The following ANKS1B variants were observed in gnomAD, a reference collection of about 807,000 sequenced individuals.
ANKS1B encodes ankyrin repeat and sterile alpha motif domain-containing protein 1B.
A neutral mutation model predicts 148.3 loss-of-function variants in ANKS1B; 36 were observed. That is an observed-to-expected ratio of 0.24 (90% CI 0.19 to 0.32). The LOEUF is 0.32. Among genes scored for constraint, ANKS1B ranks in the 10% least tolerant of loss-of-function variants. The pLI, the probability that ANKS1B is intolerant of heterozygous loss-of-function variation, is 1.00. For missense variants in ANKS1B, 1,157 were observed against 1,542.6 expected (o/e 0.75, Z 4.19); for synonymous variants, 542 against 560.8 (o/e 0.97, Z 0.47).
chr12:99,369,977 T>C (rs2093035917), intron 12 of ANKS1B, among the ~76,000 whole-genome samples: 1 of 152,068 alleles, frequency 6.6e-6, no homozygotes, highest in South Asian at 2.1e-4. Flanking sequence ...AACTTGACTG[T>C]TTGAAAATTT....
intron 8 of ANKS1B, among the ~76,000 whole-genome samples, chr12:99,767,416 C>A (rs931252287): frequency 2.7e-5 from 4 of 150,412 alleles, no homozygotes; most frequent in Non-Finnish European, 4.4e-5. Flanking sequence ...AAAAAAAAAA[C>A]AAAAAAACTT....
intron 8 of ANKS1B, among the ~76,000 whole-genome samples, chr12:99,755,718 T>C (rs2061508917): frequency 6.6e-6 from 1 of 151,724 alleles, no homozygotes; most frequent in South Asian, 2.1e-4. Context: ...AGTCAATAAA[T>C]GTGATTCATC....
intron 14 of ANKS1B, among the ~76,000 whole-genome samples, chr12:99,214,879 G>T (rs1159298480): frequency 2.6e-5 from 4 of 152,178 alleles, no homozygotes; most frequent in African/African-American, 7.2e-5. Context: ...AGATGGAGAT[G>T]AAGAACTTAT....
At chr12:99,623,060 C>T (rs897481678) in intron 9 of ANKS1B, among the ~76,000 whole-genome samples, 7 of 152,052 alleles carry the variant, frequency 4.6e-5, no homozygotes, top group Admixed American at 4.6e-4. Flanking sequence ...ACCATGATCA[C>T]ACAGACTTCA....
At chr12:99,300,960 A>C (rs1032652327) in intron 12 of ANKS1B, among the ~76,000 whole-genome samples, 13 of 152,192 alleles carry the variant, frequency 8.5e-5, no homozygotes, top group Admixed American at 2.0e-4. Flanking sequence ...GGAGGCTGAG[A>C]AGTCCCATGA....
At chr12:99,260,097 C>T (rs1411560295) in intron 12 of ANKS1B, among the ~76,000 whole-genome samples, 1 of 152,082 alleles carries the variant, frequency 6.6e-6, no homozygotes, top group Non-Finnish European at 1.5e-5. Context: ...TAACTCAAGT[C>T]GGTTGTTTTC....
At chr12:99,699,919 T>C (rs1188986179) in intron 8 of ANKS1B, among the ~76,000 whole-genome samples, 1 of 152,178 alleles carries the variant, frequency 6.6e-6, no homozygotes, top group Non-Finnish European at 1.5e-5. Flanking sequence ...CTTTTAAATA[T>C]GGATTACAAA....
chr12:98,754,061 T>A (rs2098168196), intron 25 of ANKS1B, among the ~76,000 whole-genome samples: 1 of 152,160 alleles, frequency 6.6e-6, no homozygotes, highest in Non-Finnish European at 1.5e-5. Flanking sequence ...GTGGGGAAAA[T>A]GCCTCTGAGC....
At chr12:99,151,525 C>T (rs1353461280) in intron 15 of ANKS1B, among the ~76,000 whole-genome samples, 3 of 101,760 alleles carry the variant, frequency 2.9e-5, no homozygotes, top group African/African-American at 1.8e-4. Flanking sequence ...GAGACTCCCA[C>T]TCAAAAAAAA....
intron 9 of ANKS1B, among the ~76,000 whole-genome samples, chr12:99,601,971 A>G: frequency 6.6e-6 from 1 of 152,072 alleles, no homozygotes; most frequent in Admixed American, 6.6e-5. Context: ...CAGCTCTTAT[A>G]CAAAAAGCTG....
At chr12:99,560,448 C>A (rs1270913874) in intron 9 of ANKS1B, among the ~76,000 whole-genome samples, 1 of 151,826 alleles carries the variant, frequency 6.6e-6, no homozygotes, top group Non-Finnish European at 1.5e-5. Context: ...TATCCGTATC[C>A]ATTTCTTTCT....
At chr12:99,448,914 T>C (rs1308124633) in intron 10 of ANKS1B, among the ~76,000 whole-genome samples, 3 of 152,124 alleles carry the variant, frequency 2.0e-5, no homozygotes, top group Non-Finnish European at 4.4e-5. Context: ...TTGGACTCTA[T>C]TGAAGTAATG....
rs116177556 is a variant in ANKS1B at position 99,200,883 on chromosome 12, A to C, written c.2419+43459T>G. ...ATGAAGGAGCCAGGGAATGCTCAGA[A>C]GAATCTGTGACTCATCAAAAGGTAA... On this transcript the variant is annotated intron_variant, in intron 14 of 26. Transcript: ENST00000683438. Among the ~76,000 whole-genome samples the C allele has an allele frequency of 8.7e-3, 1,318 of 152,330 alleles. 23 individuals carry two copies. Among genetic ancestry groups the C allele is most frequent in the African/African-American group, 0.03 (1,265 of 41,568 alleles).
chr12:99,397,401 T>G (rs2094280096), intron 12 of ANKS1B, among the ~76,000 whole-genome samples: 1 of 152,160 alleles, frequency 6.6e-6, no homozygotes, highest in Non-Finnish European at 1.5e-5. Context: ...CTGACCTCAG[T>G]GCTTACAATG....
At position 99,385,746 on chromosome 12, in the gene ANKS1B, T is replaced by C. The variant is rs368628643; in HGVS notation, c.1756+13885A>G. Among the ~76,000 whole-genome samples the C allele has an allele frequency of 6.6e-5, 10 of 152,146 alleles. No homozygotes were observed. The East Asian group carries it at 9.6e-4, about 15-fold the overall frequency. Reference sequence around the variant, plus strand: ...AGCTGCATATCAATGGCCAAGAACATATCAATGGACTAGAAAATATGCTAA... The same window carrying C: ...AGCTGCATATCAATGGCCAAGAACACATCAATGGACTAGAAAATATGCTAA... On this transcript the variant is annotated intron_variant, in intron 12 of 26. Transcript: ENST00000683438.
chr12:99,161,170 TG>T (rs776879162), intron 14 of ANKS1B, among the ~76,000 whole-genome samples: 14 of 152,338 alleles, frequency 9.2e-5, no homozygotes, highest in South Asian at 2.1e-4. Context: ...GAGCACAGAA[TG>T]TTTTTCCATT....
At chr12:98,815,236 A>G (rs1051686064) in intron 19 of ANKS1B, among the ~76,000 whole-genome samples, 1 of 152,062 alleles carries the variant, frequency 6.6e-6, no homozygotes, top group African/African-American at 2.4e-5. Flanking sequence ...CAATTACTCT[A>G]ATCTTCTTTA....
At chr12:99,045,043 A>G (rs894052743) in intron 17 of ANKS1B, among the ~76,000 whole-genome samples, 2 of 152,142 alleles carry the variant, frequency 1.3e-5, no homozygotes, top group Non-Finnish European at 2.9e-5. Context: ...AGTAAGTAAA[A>G]TTTTCAAATA....
intron 14 of ANKS1B, among the ~76,000 whole-genome samples, chr12:99,196,064 ATGT>A (rs2081350949): frequency 6.6e-6 from 1 of 152,148 alleles, no homozygotes. Flanking sequence ...ATGCCAAATC[ATGT>A]TGTTGTCTGG....
Sources: gnomAD v4.1 joint callset for allele counts (sites outside exome capture counted in the v4.1 genomes callset) on GRCh38, gnomAD v4.1.1 for gene constraint, MANE v1.5 for transcripts, NCBI Gene and HGNC (gene_info 2026-07-23, HGNC 2026-07-21) for gene names.